The following C3orf22 variants were observed in gnomAD, a reference collection of about 807,000 sequenced individuals.
C3orf22 encodes chromosome 3 open reading frame 22, also known as uncharacterized protein C3orf22.
In C3orf22, 7 loss-of-function variants were observed where a neutral mutation model predicts 10.8. The ratio of observed to expected loss-of-function variants is 0.65; its 90% CI spans 0.37 to 1.22. C3orf22 has a LOEUF of 1.22. C3orf22 is among the 50% of genes most tolerant of loss of function. The pLI, the probability that C3orf22 is intolerant of heterozygous loss-of-function variation, is 0.02. For missense variants in C3orf22, 173 were observed against 177.0 expected, an observed-to-expected ratio of 0.98 and a Z score of 0.13; for synonymous variants, 79 against 78.9, an observed-to-expected ratio of 1.00 and a Z score of 0.00.
Position 126,551,323 on chromosome 3 carries a change from A to AG in C3orf22, c.215+673dup, listed in dbSNP as rs1937181042. Among the ~76,000 whole-genome samples, 7 of 152,274 alleles carry AG rather than the reference A, an allele frequency of 4.6e-5. No individual in the cohort carries two copies. The South Asian group carries it at 1.5e-3, about 32-fold the overall frequency. On this transcript the variant is annotated intron_variant, in intron 3 of 3. Coordinates refer to ENST00000318225, the MANE Select transcript of C3orf22 (RefSeq NM_152533.3). ...GTGGGGCCGGGGCATTCAGGAGGCTAGGGGTCCTGCACCGCTGGTGGAGGA... is the reference window on the plus strand; with the variant it reads ...GTGGGGCCGGGGCATTCAGGAGGCTAGGGGGTCCTGCACCGCTGGTGGAGGA...
chr3:126,556,441 C>A (rs566290061), intron 1 of C3orf22, among the ~76,000 whole-genome samples: 1 of 152,040 alleles, frequency 6.6e-6, no homozygotes, highest in Non-Finnish European at 1.5e-5. Context: ...CTTCCCTCCC[C>A]ACATCCCACT....
chr3:126,537,611 G>A (rs533514115), intron 4 of C3orf22, among the ~76,000 whole-genome samples: 5 of 152,282 alleles, frequency 3.3e-5, no homozygotes, highest in South Asian at 4.1e-4. Flanking sequence ...GCAGGCTGAC[G>A]GTAGGACAGG....
At chr3:126,535,355 G>A (rs1410551066) in intron 4 of C3orf22, among the ~76,000 whole-genome samples, 2 of 149,486 alleles carry the variant, frequency 1.3e-5, no homozygotes, top group Non-Finnish European at 3.0e-5. Context: ...TCAGCCGGGA[G>A]ACACACAGAC....
At chr3:126,553,161 C>G in intron 2 of C3orf22, 141 bp downstream of exon 2, 1 of 726,114 alleles carries the variant, frequency 1.4e-6, no homozygotes, top group South Asian at 1.6e-5. Flanking sequence ...AGACTGTCAG[C>G]TGGGCAAGGG....
At chr3:126,541,621 C>T (rs1216280725) in intron 4 of C3orf22, 10 of 1,061,706 alleles carry the variant, frequency 9.4e-6, no homozygotes, top group Non-Finnish European at 1.1e-5. Context: ...TTTGGGTGCC[C>T]GGCGCAGCTC....
chr3:126,540,997 G>T (rs1576237235), intron 4 of C3orf22, among the ~76,000 whole-genome samples: 1 of 152,224 alleles, frequency 6.6e-6, no homozygotes, highest in Non-Finnish European at 1.5e-5. Context: ...AAGAACCCCG[G>T]GTGGGGCAGG....
rs1179459228 is a variant in C3orf22, at chr3:126,556,785, A to G, written c.-41+1842T>C. Among the ~76,000 whole-genome samples the G allele has an allele frequency of 5.7e-4, 53 of 92,814 alleles. 1 individual carries two copies. The highest frequency in any genetic ancestry group is 1.1e-4 in the Non-Finnish European group (4 of 37,946). The allele number at this position is 92,814 out of a possible 152,430, so 60.9% of individuals were successfully genotyped here. ...CACTCACACAGACTCACACACTCAGACTCACACACACTCAGGCTCACCCAC... is the reference window on the plus strand; with the variant it reads ...CACTCACACAGACTCACACACTCAGGCTCACACACACTCAGGCTCACCCAC... On this transcript the variant is annotated intron_variant, in intron 1 of 3. Coordinates refer to ENST00000318225, the MANE Select transcript of C3orf22 (RefSeq NM_152533.3).
chr3:126,531,701 A>G (rs993124778), intron 4 of C3orf22, among the ~76,000 whole-genome samples: 2 of 152,162 alleles, frequency 1.3e-5, no homozygotes, highest in Admixed American at 6.5e-5. Flanking sequence ...CATTTTTATT[A>G]TCCATTCATC....
chr3:126,539,867 C>A (rs796233616), intron 4 of C3orf22, among the ~76,000 whole-genome samples: 9 of 254 alleles, frequency 0.035, 1 homozygote, highest in East Asian at 0.25. Context: ...ACACCCCACA[C>A]CACACACACA....
intron 4 of C3orf22, among the ~76,000 whole-genome samples, chr3:126,539,770 ACAGC>A: frequency 1.9e-5 from 1 of 51,546 alleles, no homozygotes; most frequent in South Asian, 6.1e-4. Context: ...CACCACACAC[ACAGC>A]ACACACACAC....
chr3:126,553,378 C>T lies in C3orf22; in HGVS notation c.13G>A (p.Ala5Thr), dbSNP rs1247209661. The change falls in exon 2 of 4, where the codon GCC becomes ACC. Residue 5 changes from alanine to threonine, a missense_variant. By Grantham distance (58) the Ala-to-Thr change is moderately conservative. Transcript: ENST00000318225. ...TTACTCTGGTGAGACTTCTTGCAGG[C>T]ACTGGAGTCCATCACTGAGTGGGTT... The part of the protein sequence containing the change: MDSS[A>T]CKKSHQSKKW... The T allele has an allele frequency of 2.2e-5, 35 of 1,613,764 alleles. No homozygotes were observed. Among genetic ancestry groups the T allele is most frequent in the Non-Finnish European group, 3.0e-5 (35 of 1,179,922 alleles).
chr3:126,557,177 G>A (rs1937368179), intron 1 of C3orf22, among the ~76,000 whole-genome samples: 1 of 152,176 alleles, frequency 6.6e-6, no homozygotes, highest in Admixed American at 6.5e-5. Flanking sequence ...CACACAGGCA[G>A]GTGGCCATCT....
At chr3:126,531,521 G>A (rs1445837997) in intron 4 of C3orf22, among the ~76,000 whole-genome samples, 4 of 152,072 alleles carry the variant, frequency 2.6e-5, no homozygotes, top group South Asian at 2.1e-4. Context: ...GAACTCTTAC[G>A]GACATATTAA....
intron 5 of C3orf22, among the ~76,000 whole-genome samples, chr3:126,528,557 G>T (rs2107562100): frequency 6.6e-6 from 1 of 152,252 alleles, no homozygotes; most frequent in African/African-American, 2.4e-5. Flanking sequence ...TAGGAGATAG[G>T]TGAGGTGTCT....
intron 4 of C3orf22, among the ~76,000 whole-genome samples, chr3:126,537,485 C>G (rs1936822690): frequency 6.6e-6 from 1 of 152,334 alleles, no homozygotes; most frequent in Non-Finnish European, 1.5e-5. Flanking sequence ...GGTGGCTGCT[C>G]CCCAAATCCT....
chr3:126,542,567 C>T (rs1369905045), intron 4 of C3orf22: 2 of 1,494,362 alleles, frequency 1.3e-6, no homozygotes, highest in Non-Finnish European at 1.8e-6. Context: ...CTCCTACCTG[C>T]GGCTGCTCTA....
intron 1 of C3orf22, among the ~76,000 whole-genome samples, chr3:126,557,275 C>A (rs1245338418): frequency 1.3e-5 from 2 of 152,234 alleles, no homozygotes; most frequent in African/African-American, 4.8e-5. Flanking sequence ...GAGGCTGCCC[C>A]CACCAGCCCA....
chr3:126,541,821 T>C (rs990741756), intron 4 of C3orf22: 1 of 1,564,976 alleles, frequency 6.4e-7, no homozygotes, highest in African/African-American at 1.4e-5. Context: ...CGGCAGCGCC[T>C]GCTACAGCCG....
intron 4 of C3orf22, among the ~76,000 whole-genome samples, chr3:126,535,122 T>G (rs372327716): frequency 0.011 from 45 of 3,988 alleles, no homozygotes; most frequent in Admixed American, 0.022. Flanking sequence ...TGTCCTCAGC[T>G]GGAGACAGAC....
Sources: allele counts gnomAD v4.1 joint callset (sites outside exome capture counted in the v4.1 genomes callset), GRCh38; gene constraint gnomAD v4.1.1; transcripts MANE v1.5; gene names NCBI Gene and HGNC (gene_info 2026-07-23, HGNC 2026-07-21).